The following PLAT variants were observed in gnomAD, a reference collection of about 807,000 sequenced individuals.
The protein encoded by PLAT is tissue-type plasminogen activator.
Under a neutral mutation model 74.9 loss-of-function variants are expected in PLAT, and 48 were observed. That is an observed-to-expected ratio of 0.64 (90% CI 0.51 to 0.82). The LOEUF (loss-of-function observed/expected upper bound fraction) is 0.82, where lower values mean the gene tolerates loss of function less well. PLAT is among the 40% of genes least tolerant of loss of function. PLAT has a pLI of 0.00. For missense variants in PLAT, 673 were observed against 736.2 expected (o/e 0.91, Z 0.99); for synonymous variants, 307 against 294.4 (o/e 1.04, Z -0.44).
intron 1 of PLAT, among the ~76,000 whole-genome samples, chr8:42,202,978 C>T (rs1453879704): frequency 2.6e-5 from 4 of 152,148 alleles, no homozygotes; most frequent in Non-Finnish European, 4.4e-5. Context: ...AGCACAGCTC[C>T]CGACAGCAGG....
chr8:42,176,162 G>A lies in PLAT; in HGVS notation c.1531-11C>T. The A allele has an allele frequency of 6.2e-7, 1 of 1,609,392 alleles. No individual in the cohort carries two copies. Among genetic ancestry groups the A allele is most frequent in the Non-Finnish European group, 8.5e-7 (1 of 1,176,972 alleles). On this transcript the variant is annotated splice_polypyrimidine_tract_variant and intron_variant, in intron 13 of 13. Coordinates refer to ENST00000220809, the MANE Select transcript of PLAT (RefSeq NM_000930.5). ...GCCTCCCGAATCGCCCTGCAAAGGA[G>A]ATAGCAGGTTTGGCGTTTGCAAAAA... is the stretch of plus-strand genomic sequence containing the variant.
At position 42,182,757 on chromosome 8, in the gene PLAT, A is replaced by C; in HGVS notation, c.765T>G (p.Ser255Arg). ...GTTTGCCCAGGCCCAGTGCCTGGGC[A>C]CTGGGGTTCTGTGCTGTGTAAACCT... is the stretch of plus-strand genomic sequence containing the variant. ...IGKVYTAQNPSAQALGLGKHN... is the reference protein window; with the variant it reads ...IGKVYTAQNPRAQALGLGKHN... Residue 255 changes from serine to arginine, a missense_variant, in exon 8 of 14, where the codon AGT (serine) becomes AGG (arginine). By Grantham distance (110) the Ser-to-Arg change is moderately radical (BLOSUM62 -1). Coordinates refer to ENST00000220809, the MANE Select transcript of PLAT (RefSeq NM_000930.5). 1 of 1,612,636 alleles carries C rather than the reference A, an allele frequency of 6.2e-7. No individual in the cohort carries two copies. Among genetic ancestry groups the C allele is most frequent in the Non-Finnish European group, 8.5e-7 (1 of 1,179,420 alleles).
chr8:42,187,364 CAG>C (rs778454722), intron 6 of PLAT, 32 bp downstream of exon 6: 2 of 1,516,958 alleles, frequency 1.3e-6, no homozygotes, highest in Non-Finnish European at 1.8e-6. Flanking sequence ...CAGCTTCTCA[CAG>C]GGGGAATCCC....
intron 1 of PLAT, among the ~76,000 whole-genome samples, chr8:42,198,691 A>G (rs1806013401): frequency 6.6e-6 from 1 of 152,218 alleles, no homozygotes; most frequent in Non-Finnish European, 1.5e-5. Flanking sequence ...GTAAATTGAT[A>G]CTATTATCAA....
intron 8 of PLAT, 37 bp downstream of exon 8, chr8:42,182,682 T>C: frequency 6.6e-7 from 1 of 1,519,980 alleles, no homozygotes; most frequent in Admixed American, 2.1e-5. Context: ...TCCCACGTTC[T>C]GCCAAGACCT....
In PLAT at chr8:42,180,536, T is replaced by C. The variant is rs1035308070; in HGVS notation, c.1039A>G (p.Ile347Val). 1.2e-6 allele frequency: 2 copies of C among 1,614,048 alleles called. No individual in the cohort carries two copies. Among genetic ancestry groups the C allele is most frequent in the African/African-American group, 1.3e-5 (1 of 74,942 alleles). The change falls in exon 10 of 14, where the codon ATC (isoleucine) becomes GTC (valine). Residue 347 changes from isoleucine to valine, a missense_variant. Physicochemically the swap from Ile to Val is conservative, Grantham distance 29 (BLOSUM62 3). Transcript: ENST00000220809. ...GERFLCGGIL[I>V]SSCWILSAAH... is the part of the protein sequence containing the mutation. Reference sequence around the variant, plus strand: ...GCAGAGAGAATCCAGCAGGAGCTGATGAGTATGCCCCCGCACAGGAACCGC... The same window carrying C: ...GCAGAGAGAATCCAGCAGGAGCTGACGAGTATGCCCCCGCACAGGAACCGC...
chr8:42,179,820 A>T, intron 12 of PLAT, 106 bp downstream of exon 12: 1 of 1,171,322 alleles, frequency 8.5e-7, no homozygotes, highest in South Asian at 1.6e-5. Flanking sequence ...TCAGTGCCTG[A>T]CCCGGGGCTG....
intron 1 of PLAT, among the ~76,000 whole-genome samples, chr8:42,205,720 C>G (rs959112395): frequency 6.6e-6 from 1 of 152,216 alleles, no homozygotes; most frequent in Admixed American, 6.6e-5. Context: ...CGGTGCACAT[C>G]TTACATACAT....
At position 42,187,984 on chromosome 8, in the gene PLAT, T is replaced by C; in HGVS notation, c.286A>G (p.Thr96Ala). 1 of 1,613,560 alleles carries C rather than the reference T, an allele frequency of 6.2e-7. No individual in the cohort carries two copies. The highest frequency in any genetic ancestry group is 8.5e-7 in the Non-Finnish European group (1 of 1,179,554). The change falls in exon 5 of 14, where the codon ACC becomes GCC. Residue 96 changes from threonine to alanine, a missense_variant. Coordinates refer to ENST00000220809, the MANE Select transcript of PLAT (RefSeq NM_000930.5). ...GAGAAGTACAGGGCCTGCTGGCAGG[T>C]GCCCCCGTTGAAACACCTTGGCTCG... The part of the protein sequence containing the change: ...CSEPRCFNGG[T>A]CQQALYFSDF...
intron 1 of PLAT, among the ~76,000 whole-genome samples, chr8:42,197,415 C>T (rs116465126): frequency 2.0e-5 from 3 of 152,190 alleles, no homozygotes; most frequent in East Asian, 1.9e-4. Context: ...TTGGGGAAAA[C>T]GGGAACAATA....
In PLAT at chr8:42,192,002, C is replaced by CTTT. The variant is rs1177070988; in HGVS notation, c.73-591_73-589dup. On this transcript the variant is annotated intron_variant, in intron 2 of 13. Coordinates refer to ENST00000220809, the MANE Select transcript of PLAT (RefSeq NM_000930.5). ...CTCATGGCACTTGCATTGCCTTTTT[C>CTTT]TTTTTTTTTTTTTTTTTTTGAGACA... 8.5e-3 allele frequency among the ~76,000 whole-genome samples: 1,083 copies of CTTT among 127,152 alleles called. 23 individuals are homozygous for CTTT. The highest frequency in any genetic ancestry group is 0.031 in the African/African-American group (1,041 of 34,016). 83.4% of individuals were successfully genotyped at this position (127,152 alleles called of 152,430 possible). A position where few individuals can be genotyped will look rare whatever the true frequency, so the allele number is the denominator to read the frequency against.
At chr8:42,181,838 A>G in intron 9 of PLAT, 99 bp downstream of exon 9, 1 of 628,478 alleles carries the variant, frequency 1.6e-6, no homozygotes, top group Admixed American at 2.4e-5. Flanking sequence ...TGGTAGGCAC[A>G]CAGTCTGCAC....
At chr8:42,181,719 T>C (rs1805246549) in intron 9 of PLAT, among the ~76,000 whole-genome samples, 1 of 152,124 alleles carries the variant, frequency 6.6e-6, no homozygotes, top group South Asian at 2.1e-4. Context: ...GCTGTGTTCT[T>C]TTCTTTCTTC....
At chr8:42,200,508 C>A (rs1194582938) in intron 1 of PLAT, among the ~76,000 whole-genome samples, 1 of 125,318 alleles carries the variant, frequency 8.0e-6, no homozygotes, top group Non-Finnish European at 1.8e-5. Context: ...AACCCCATCT[C>A]AACAAAAAAA....
chr8:42,192,461 G>A (rs1805724463), intron 2 of PLAT, among the ~76,000 whole-genome samples: 2 of 152,190 alleles, frequency 1.3e-5, no homozygotes, highest in Non-Finnish European at 2.9e-5. Flanking sequence ...CTTAAGCCTA[G>A]GAGTTTGGTG....
At position 42,203,988 on chromosome 8, in the gene PLAT, T is replaced by TACAC. The variant is rs1208295801; in HGVS notation, c.-27+3505_-27+3506insGTGT. On this transcript the variant is annotated intron_variant, in intron 1 of 13. Transcript: ENST00000220809. ...TCTAAATTATATATATATATATATA[T>TACAC]ATATACACACACACACACACACACA... 2.3e-3 allele frequency among the ~76,000 whole-genome samples: 278 copies of TACAC among 123,254 alleles called. 2 individuals carry two copies. The highest frequency in any genetic ancestry group is 0.012 in the African/African-American group (255 of 20,952). 80.9% of individuals were successfully genotyped at this position (123,254 alleles called of 152,430 possible). A position where few individuals can be genotyped will look rare whatever the true frequency, so the allele number is the denominator to read the frequency against.
At chr8:42,192,004 T>TTTC (rs1264842699) in intron 2 of PLAT, among the ~76,000 whole-genome samples, 6 of 141,798 alleles carry the variant, frequency 4.2e-5, no homozygotes, top group African/African-American at 1.6e-4. Context: ...GCCTTTTTCT[T>TTTC]TTTTTTTTTT....
intron 3 of PLAT, among the ~76,000 whole-genome samples, chr8:42,190,690 C>T (rs887183498): frequency 3.3e-5 from 5 of 152,266 alleles, no homozygotes; most frequent in Non-Finnish European, 7.3e-5. Flanking sequence ...CAGAGTCTTC[C>T]AGACTCGAAG....
At chr8:42,176,947 C>G (rs949435789) in intron 13 of PLAT, among the ~76,000 whole-genome samples, 1 of 152,094 alleles carries the variant, frequency 6.6e-6, no homozygotes, top group Admixed American at 6.5e-5. Flanking sequence ...AATATTGCCA[C>G]AAGAACTTCA....
Sources: gnomAD v4.1 joint callset for allele counts (sites outside exome capture counted in the v4.1 genomes callset) on GRCh38, gnomAD v4.1.1 for gene constraint, MANE v1.5 for transcripts, NCBI Gene and HGNC (gene_info 2026-07-23, HGNC 2026-07-21) for gene names.